Variants in DNAJC8 observed in about 807,000 individuals in gnomAD.
DNAJC8 encodes the protein DnaJ heat shock protein family (Hsp40) member C8.
In DNAJC8, 24 loss-of-function variants were observed where a neutral mutation model predicts 43.2. The observed-to-expected ratio is 0.56, with a 90% CI of 0.40 to 0.78. The LOEUF (loss-of-function observed/expected upper bound fraction) is 0.78, where lower values mean the gene tolerates loss of function less well. DNAJC8 is among the 30% of genes least tolerant of loss of function. The pLI, the probability that DNAJC8 is intolerant of heterozygous loss-of-function variation, is 0.00. For synonymous variants in DNAJC8, 83 were observed against 98.0 expected, an observed-to-expected ratio of 0.85 and a Z score of 0.90; for missense variants, 207 against 299.4, an observed-to-expected ratio of 0.69 and a Z score of 2.28.
chr1:28,225,216 G>C (rs1646926071), intron 2 of DNAJC8, among the ~76,000 whole-genome samples: 1 of 151,236 alleles, frequency 6.6e-6, no homozygotes, highest in South Asian at 2.1e-4. Flanking sequence ...GATTTTGATA[G>C]TTTATATTGT....
intron 1 of DNAJC8, among the ~76,000 whole-genome samples, chr1:28,231,034 T>C (rs929730009): frequency 6.6e-6 from 1 of 152,210 alleles, no homozygotes; most frequent in African/African-American, 2.4e-5. Flanking sequence ...TGAAACGCTT[T>C]CTTATACAAT....
chr1:28,228,796 C>G, intron 2 of DNAJC8, 126 bp downstream of exon 2: 1 of 779,352 alleles, frequency 1.3e-6, no homozygotes, highest in Non-Finnish European at 2.1e-6. Context: ...GATTCCATCA[C>G]TTTACTCCAC....
chr1:28,227,074 CA>C (rs148492955), intron 2 of DNAJC8, among the ~76,000 whole-genome samples: 121 of 94,666 alleles, frequency 1.3e-3, no homozygotes, highest in East Asian at 2.5e-3. Flanking sequence ...TCAAGCATTG[CA>C]AAAAAAAAAA....
intron 2 of DNAJC8, among the ~76,000 whole-genome samples, chr1:28,217,843 CT>C (rs919913838): frequency 6.6e-6 from 1 of 151,702 alleles, no homozygotes; most frequent in African/African-American, 2.4e-5. Context: ...ATAAATTTTG[CT>C]GTGTGTATTT....
intron 6 of DNAJC8, 56 bp from the exon 7 acceptor site, chr1:28,205,405 T>C: frequency 7.3e-7 from 1 of 1,371,586 alleles, no homozygotes. Flanking sequence ...ACCAGCAACT[T>C]GAACCATGTA....
At chr1:28,216,399 TA>T (rs918941613) in intron 2 of DNAJC8, among the ~76,000 whole-genome samples, 17 of 152,032 alleles carry the variant, frequency 1.1e-4, no homozygotes, top group African/African-American at 3.9e-4. Flanking sequence ...AAGGAATCTC[TA>T]GGGGCAAACC....
At chr1:28,207,506 C>T (rs1188079958) in intron 6 of DNAJC8, among the ~76,000 whole-genome samples, 1 of 151,410 alleles carries the variant, frequency 6.6e-6, no homozygotes, top group Non-Finnish European at 1.5e-5. Flanking sequence ...TGCAGTGGCG[C>T]GATCTTGGCT....
intron 6 of DNAJC8, 136 bp from the exon 7 acceptor site, chr1:28,205,485 T>C: frequency 1.6e-6 from 1 of 615,774 alleles, no homozygotes; most frequent in Non-Finnish European, 2.8e-6. Flanking sequence ...CTCACATCTG[T>C]AATTCCAACA....
chr1:28,207,778 G>T (rs572281881), intron 6 of DNAJC8, among the ~76,000 whole-genome samples: 3 of 151,562 alleles, frequency 2.0e-5, no homozygotes, highest in Non-Finnish European at 4.4e-5. Flanking sequence ...AAATTAGGCC[G>T]CGCACGGTGG....
rs1165837091 is a variant in DNAJC8, at chr1:28,200,803, C to G, written c.*445G>C. 6 of 377,074 alleles carry G rather than the reference C, an allele frequency of 1.6e-5. No homozygotes were observed. Among genetic ancestry groups the G allele is most frequent in the African/African-American group, 4.2e-5 (2 of 47,168 alleles). The allele number at this position is 377,074 out of a possible 1,614,324, so 23.4% of individuals were successfully genotyped here. ...ATCTGGGCCTTCGAAGGGAGCACAC[C>G]CAGAAGCGAGCAACTGAAGCGAAGG... is the stretch of plus-strand genomic sequence containing the variant. On this transcript the variant is annotated 3_prime_UTR_variant, in exon 9 of 9. Coordinates refer to ENST00000263697, the MANE Select transcript of DNAJC8 (RefSeq NM_014280.3).
At chr1:28,220,768 A>G (rs1267245695) in intron 2 of DNAJC8, among the ~76,000 whole-genome samples, 2 of 152,184 alleles carry the variant, frequency 1.3e-5, no homozygotes, top group African/African-American at 4.8e-5. Flanking sequence ...CTCACAGTAG[A>G]TAAGGGAGAG....
chr1:28,212,155 CAATA>C lies in DNAJC8; in HGVS notation c.238-1522_238-1519del, dbSNP rs1553167901. ...TGGGTGACAGAGCCGGACTCCGTCT[CAATA>C]AATAAATAAATATATATATATATAT... On this transcript the variant is annotated intron_variant, in intron 3 of 8. Coordinates refer to ENST00000263697, the MANE Select transcript of DNAJC8 (RefSeq NM_014280.3). Among the ~76,000 whole-genome samples, 94 of 34,104 alleles carry C rather than the reference CAATA, an allele frequency of 2.8e-3. 2 individuals carry two copies. Among genetic ancestry groups the C allele is most frequent in the East Asian group, 3.8e-3 (5 of 1,328 alleles). The allele number at this position is 34,104 out of a possible 152,430, so 22.4% of individuals were successfully genotyped here.
intron 3 of DNAJC8, among the ~76,000 whole-genome samples, chr1:28,214,099 T>A (rs1250020684): frequency 1.3e-5 from 2 of 152,032 alleles, no homozygotes; most frequent in African/African-American, 4.8e-5. Flanking sequence ...TTTTTTTAAG[T>A]TTACTTTAAA....
chr1:28,226,991 G>A (rs898996363), intron 2 of DNAJC8, among the ~76,000 whole-genome samples: 2 of 143,696 alleles, frequency 1.4e-5, no homozygotes, highest in Admixed American at 7.1e-5. Context: ...TTCACTTTCC[G>A]TGTAATGTTA....
intron 2 of DNAJC8, among the ~76,000 whole-genome samples, chr1:28,223,955 G>A (rs998094263): frequency 3.0e-4 from 45 of 151,980 alleles, no homozygotes; most frequent in Admixed American, 2.4e-3. Flanking sequence ...AGGAACCAGC[G>A]CTCCTTGGTG....
intron 5 of DNAJC8, chr1:28,208,747 A>C (rs1047441126): frequency 1.8e-5 from 3 of 171,292 alleles, no homozygotes; most frequent in Non-Finnish European, 2.5e-5. Context: ...GCTTGTGGTT[A>C]TGTGTTTAGA....
intron 8 of DNAJC8, among the ~76,000 whole-genome samples, chr1:28,202,625 G>A (rs1399738626): frequency 7.7e-6 from 1 of 129,274 alleles, no homozygotes; most frequent in Non-Finnish European, 1.6e-5. Context: ...CTGTCACCCA[G>A]GCTGGAGTGC....
At chr1:28,210,236 T>C (rs1646801682) in intron 4 of DNAJC8, 170 bp from the exon 5 acceptor site, 1 of 633,466 alleles carries the variant, frequency 1.6e-6, no homozygotes, top group Non-Finnish European at 2.7e-6. Flanking sequence ...TGACTTTCCT[T>C]AAGAGCCTTG....
intron 2 of DNAJC8, among the ~76,000 whole-genome samples, chr1:28,221,502 C>T (rs1376205423): frequency 2.6e-5 from 4 of 152,124 alleles, no homozygotes; most frequent in South Asian, 4.1e-4. Context: ...GCAATGAGTT[C>T]CACTTTCAGA....
Sources: gnomAD v4.1 joint callset for allele counts (sites outside exome capture counted in the v4.1 genomes callset) on GRCh38, gnomAD v4.1.1 for gene constraint, MANE v1.5 for transcripts, NCBI Gene and HGNC (gene_info 2026-07-23, HGNC 2026-07-21) for gene names.